The following ZNF320 variants were observed in gnomAD, a reference collection of about 807,000 sequenced individuals.
The protein encoded by ZNF320 is zinc finger gene 320.
ZNF320 carries 2 observed loss-of-function variants against 6.8 expected under a neutral mutation model. That is an observed-to-expected ratio of 0.29 (90% CI 0.12 to 0.93). The LOEUF is 0.93. Among genes scored for constraint, ZNF320 ranks in the 40% least tolerant of loss-of-function variants. The pLI is 0.55. For synonymous variants in ZNF320, 208 were observed against 203.2 expected (o/e 1.02, Z -0.20); for missense variants, 472 against 611.0 (o/e 0.77, Z 2.40).
chr19:52,885,281 A>G (rs1310043434), intron 5 of ZNF320, among the ~76,000 whole-genome samples: 2 of 145,714 alleles, frequency 1.4e-5, no homozygotes, highest in African/African-American at 2.5e-5. Context: ...CAGTAAAGGT[A>G]AATAAAAAAA....
chr19:52,886,656 T>C (rs990149197), intron 5 of ZNF320, among the ~76,000 whole-genome samples: 2 of 152,076 alleles, frequency 1.3e-5, no homozygotes, highest in African/African-American at 2.4e-5. Context: ...ATAACCATGG[T>C]TGGGCATGGC....
At chr19:52,870,472 C>A (rs1178257986) in intron 5 of ZNF320, among the ~76,000 whole-genome samples, 2 of 87,316 alleles carry the variant, frequency 2.3e-5, no homozygotes, top group African/African-American at 4.0e-5. Context: ...AGCCAGACTC[C>A]GTCTCAAAAA....
In ZNF320 at chr19:52,880,793, C is replaced by G; in HGVS notation, c.1333G>C (p.Asp445His). 6.2e-7 allele frequency: 1 copy of G among 1,613,894 alleles called. No individual in the cohort carries two copies. The highest frequency in any genetic ancestry group is 1.7e-4 in the Middle Eastern group (1 of 6,054). ...HTGEKPHKCG[D>H]CGKAFNSPSH... ...GGTGAATTAAAGGCTTTACCACAATCACCACACTTGTGAGGTTTCTCTCCT... is the reference window on the plus strand; with the variant it reads ...GGTGAATTAAAGGCTTTACCACAATGACCACACTTGTGAGGTTTCTCTCCT... Residue 445 changes from aspartate to histidine, a missense_variant, in exon 6 of 6, where the codon GAT (aspartate) becomes CAT (histidine). Physicochemically the swap from Asp to His is moderately conservative, Grantham distance 81. Coordinates refer to ENST00000682928, the MANE Select transcript of ZNF320 (RefSeq NM_001351774.2).
At chr19:52,891,073 T>A (rs956339766) in intron 3 of ZNF320, among the ~76,000 whole-genome samples, 156 bp downstream of exon 3, 6 of 152,066 alleles carry the variant, frequency 3.9e-5, no homozygotes, top group African/African-American at 1.4e-4. Context: ...CACTTGAACC[T>A]GGGAAGTGGA....
chr19:52,868,425 G>A lies in ZNF320; in HGVS notation c.224-4266C>T, dbSNP rs147246055. 8.8e-3 allele frequency among the ~76,000 whole-genome samples: 1,330 copies of A among 151,610 alleles called. 17 individuals carry two copies. The highest frequency in any genetic ancestry group is 0.015 in the Non-Finnish European group (1,022 of 67,956). ...GGAGCCTCAGGCAGGAGAATCGCTC[G>A]AACCCCCGGGGCGGAGGTTGTGGTG... On this transcript the variant is annotated intron_variant, in intron 5 of 5. Transcript: ENST00000673631.
At chr19:52,866,955 G>A (rs1004446459) in intron 5 of ZNF320, among the ~76,000 whole-genome samples, 10 of 150,846 alleles carry the variant, frequency 6.6e-5, no homozygotes, top group Non-Finnish European at 1.3e-4. Flanking sequence ...TTAAATAACA[G>A]TCAGGCAATA....
intron 5 of ZNF320, chr19:52,883,762 G>A (rs886254409): frequency 4.6e-5 from 15 of 328,882 alleles, no homozygotes; most frequent in African/African-American, 6.8e-5. Flanking sequence ...TTAGCTGGAC[G>A]TGGTGGCAGG....
chr19:52,902,519 C>T (rs1235922588), upstream of ZNF320, among the ~76,000 whole-genome samples: 1 of 152,188 alleles, frequency 6.6e-6, no homozygotes, highest in South Asian at 2.1e-4. Context: ...TATGCTGTCT[C>T]AATTGCCAAA....
downstream of ZNF320, chr19:52,874,121 C>A: frequency 3.7e-6 from 1 of 273,150 alleles, no homozygotes; most frequent in Non-Finnish European, 7.3e-6. Context: ...TCACTCCCTC[C>A]TTTTCTGTGG....
upstream of ZNF320, among the ~76,000 whole-genome samples, chr19:52,899,095 T>C (rs1387045279): frequency 6.6e-6 from 1 of 152,238 alleles, no homozygotes; most frequent in African/African-American, 2.4e-5. Context: ...TAGTGATTCA[T>C]ATAGTACACT....
intron 5 of ZNF320, among the ~76,000 whole-genome samples, chr19:52,885,776 C>G (rs1007431116): frequency 3.3e-5 from 5 of 151,386 alleles, no homozygotes; most frequent in Non-Finnish European, 7.4e-5. Context: ...TGTGGTGGCG[C>G]ATGCCTGTAA....
At chr19:52,862,687 G>A in exon 6 of ZNF320, 3 of 577,314 alleles carry the variant, frequency 5.2e-6, no homozygotes, top group South Asian at 1.7e-5. Context: ...TCTCTCCAGT[G>A]TGAATTTCAG....
At chr19:52,863,526 C>G (rs911285706) in exon 6 of ZNF320, among the ~76,000 whole-genome samples, 1 of 150,950 alleles carries the variant, frequency 6.6e-6, no homozygotes, top group African/African-American at 2.4e-5. Flanking sequence ...GAACTGGGAC[C>G]TGGGAGGCAG....
At chr19:52,867,506 T>C (rs1361612769) in intron 5 of ZNF320, among the ~76,000 whole-genome samples, 1 of 152,084 alleles carries the variant, frequency 6.6e-6, no homozygotes, top group East Asian at 1.9e-4. Flanking sequence ...CATATTTGGA[T>C]TTCTTATTCT....
chr19:52,865,569 A>ATG (rs1491400309), intron 5 of ZNF320: 4 of 89,598 alleles, frequency 4.5e-5, no homozygotes, highest in Non-Finnish European at 8.7e-5. Context: ...ATGATCATAC[A>ATG]TATATATTTA....
chr19:52,870,542 T>C lies in ZNF320; in HGVS notation c.223+3450A>G, dbSNP rs573176747. ...CAATTATTATAAAAAATAAAACTTA[T>C]GGCAAATGTTGTGTTTTCTACATAA... On this transcript the variant is annotated intron_variant, in intron 5 of 5. Transcript: ENST00000673631. Among the ~76,000 whole-genome samples the C allele has an allele frequency of 7.6e-5, 11 of 145,134 alleles. No individual in the cohort carries two copies. In the South Asian group the frequency reaches 2.2e-3, roughly 29 times the overall value.
At chr19:52,902,359 C>T (rs1422635961), upstream of ZNF320, among the ~76,000 whole-genome samples, 1 of 152,236 alleles carries the variant, frequency 6.6e-6, no homozygotes, top group East Asian at 1.9e-4. Context: ...AGCTACCATG[C>T]AGCCCACACC....
Position 52,865,744 on chromosome 19 carries a change from CAT to C in ZNF320, c.224-1587_224-1586del, listed in dbSNP as rs1245604902. On this transcript the variant is annotated intron_variant, in intron 5 of 5. Transcript: ENST00000673631. ...ACATATTTATATATATGATTATACA[CAT>C]ATATTTATATATATGATTATACACA... Among the ~76,000 whole-genome samples the C allele has an allele frequency of 3.3e-5, 3 of 91,834 alleles. No homozygotes were observed. In the South Asian group the frequency reaches 1.0e-3, roughly 31 times the overall value. The allele number at this position is 91,834 out of a possible 152,430, so 60.2% of individuals were successfully genotyped here. A position where few individuals can be genotyped will look rare whatever the true frequency, so the allele number is the denominator to read the frequency against.
intron 1 of ZNF320, among the ~76,000 whole-genome samples, chr19:52,896,313 A>G (rs2064470675): frequency 6.6e-6 from 1 of 152,014 alleles, no homozygotes; most frequent in African/African-American, 2.4e-5. Context: ...CTGGTCTCGA[A>G]CTCCTGACCT....
Sources: allele counts gnomAD v4.1 joint callset (sites outside exome capture counted in the v4.1 genomes callset), GRCh38; gene constraint gnomAD v4.1.1; transcripts MANE v1.5; gene names NCBI Gene and HGNC (gene_info 2026-07-23, HGNC 2026-07-21).